The following GPBP1 variants were observed in gnomAD, a reference collection of about 807,000 sequenced individuals.
GPBP1 encodes GC-rich promoter binding protein 1.
A neutral mutation model predicts 56.5 loss-of-function variants in GPBP1; 13 were observed. That is an observed-to-expected ratio of 0.23 (90% CI 0.15 to 0.37). The LOEUF is 0.37. GPBP1 is among the 10% of genes least tolerant of loss of function. The probability of loss-of-function intolerance (pLI) is 1.00; values close to 1 mark genes in which losing one functional copy is unlikely to be tolerated. For synonymous variants in GPBP1, 204 were observed against 188.9 expected, an observed-to-expected ratio of 1.08 and a Z score of -0.66; for missense variants, 477 against 572.3, an observed-to-expected ratio of 0.83 and a Z score of 1.70.
chr5:57,254,081 A>G (rs557220445), intron 10 of GPBP1, among the ~76,000 whole-genome samples: 1 of 152,248 alleles, frequency 6.6e-6, no homozygotes, highest in Admixed American at 6.5e-5. Context: ...GTGTACCACC[A>G]TGCCTGGCTA....
chr5:57,198,994 T>G (rs1311152605), intron 2 of GPBP1, among the ~76,000 whole-genome samples: 1 of 152,230 alleles, frequency 6.6e-6, no homozygotes, highest in African/African-American at 2.4e-5. Flanking sequence ...TCTTACTATA[T>G]CTCATGATGA....
At chr5:57,252,884 C>G (rs1741461029) in intron 10 of GPBP1, among the ~76,000 whole-genome samples, 1 of 151,640 alleles carries the variant, frequency 6.6e-6, no homozygotes, top group African/African-American at 2.4e-5. Flanking sequence ...TAATTTTTGT[C>G]TTTTAGTAGA....
chr5:57,191,475 T>G (rs1754522313), intron 2 of GPBP1, among the ~76,000 whole-genome samples: 1 of 152,162 alleles, frequency 6.6e-6, no homozygotes, highest in South Asian at 2.1e-4. Context: ...ATTTCCCCAA[T>G]TTTGAACTGT....
intron 6 of GPBP1, among the ~76,000 whole-genome samples, chr5:57,240,794 G>A (rs1288011064): frequency 6.6e-6 from 1 of 152,038 alleles, no homozygotes; most frequent in Non-Finnish European, 1.5e-5. Flanking sequence ...GACCAACATG[G>A]AGAAACCCTG....
chr5:57,235,790 C>T (rs1045191707), intron 5 of GPBP1, among the ~76,000 whole-genome samples, 176 bp from the exon 6 acceptor site: 3 of 152,108 alleles, frequency 2.0e-5, no homozygotes, highest in African/African-American at 4.8e-5. Context: ...GTAGGCAGAG[C>T]GTGACACTGG....
intron 3 of GPBP1, 166 bp from the exon 4 acceptor site, chr5:57,230,680 T>G (rs1251815369): frequency 1.5e-6 from 1 of 651,904 alleles, no homozygotes; most frequent in Non-Finnish European, 2.7e-6. Flanking sequence ...GGACCATCGG[T>G]GAATCCATTA....
intron 10 of GPBP1, among the ~76,000 whole-genome samples, chr5:57,251,880 G>C (rs1365763094): frequency 2.0e-5 from 3 of 152,072 alleles, no homozygotes; most frequent in Non-Finnish European, 4.4e-5. Context: ...AGTCATTCTA[G>C]TGGGTGTGAA....
At chr5:57,216,538 A>G (rs1755705232) in intron 3 of GPBP1, among the ~76,000 whole-genome samples, 2 of 152,272 alleles carry the variant, frequency 1.3e-5, no homozygotes. Flanking sequence ...CCTAGCTAAC[A>G]TGGCCCAAAC....
chr5:57,226,180 A>G (rs1756179044), intron 3 of GPBP1, among the ~76,000 whole-genome samples: 3 of 152,148 alleles, frequency 2.0e-5, no homozygotes, highest in Admixed American at 2.0e-4. Context: ...TGCCCTTGTA[A>G]TTGTTAATGA....
chr5:57,262,782 G>C lies in GPBP1; in HGVS notation c.*30G>C, dbSNP rs1487084631. On this transcript the variant is annotated 3_prime_UTR_variant, in exon 12 of 12. Coordinates refer to ENST00000506184, the MANE Select transcript of GPBP1 (RefSeq NM_022913.4). ...TTTCCTAACAGCTTTAGAAATCTTA[G>C]TGTGATACATCTCTCATACAGTTTG... 3 of 1,587,708 alleles carry C rather than the reference G, an allele frequency of 1.9e-6. No individual in the cohort carries two copies. The highest frequency in any genetic ancestry group is 2.6e-6 in the Non-Finnish European group (3 of 1,157,328).
chr5:57,218,141 A>G (rs1369859443), intron 3 of GPBP1, among the ~76,000 whole-genome samples: 1 of 152,012 alleles, frequency 6.6e-6, no homozygotes, highest in African/African-American at 2.4e-5. Flanking sequence ...CATAATTTGG[A>G]TTCTCCCCCT....
chr5:57,189,817 CCTT>C (rs1188447781), intron 2 of GPBP1, among the ~76,000 whole-genome samples: 5 of 152,134 alleles, frequency 3.3e-5, no homozygotes, highest in African/African-American at 1.2e-4. Flanking sequence ...GGCCCATTGG[CCTT>C]CTTTCTCTTA....
chr5:57,234,137 A>T (rs916948236), intron 5 of GPBP1, among the ~76,000 whole-genome samples: 1 of 152,210 alleles, frequency 6.6e-6, no homozygotes, highest in Non-Finnish European at 1.5e-5. Context: ...GCTTTACAAT[A>T]ATCTCAGTAC....
intron 3 of GPBP1, among the ~76,000 whole-genome samples, chr5:57,229,790 C>T (rs555621265): frequency 6.6e-6 from 1 of 152,252 alleles, no homozygotes; most frequent in South Asian, 2.1e-4. Context: ...CTGCCCACCT[C>T]AGTACCCCAA....
intron 3 of GPBP1, among the ~76,000 whole-genome samples, chr5:57,230,431 ATAAAT>A (rs1756400229): frequency 6.6e-6 from 1 of 152,188 alleles, no homozygotes; most frequent in South Asian, 2.1e-4. Context: ...GAATATGGAA[ATAAAT>A]TTAAGGGACT....
At chr5:57,239,367 C>T (rs965797299) in intron 6 of GPBP1, among the ~76,000 whole-genome samples, 8 of 151,984 alleles carry the variant, frequency 5.3e-5, no homozygotes, top group Non-Finnish European at 1.0e-4. Context: ...TGAGAGCCCC[C>T]GTTAAAGGGG....
In GPBP1 at chr5:57,228,044, G is replaced by C. The variant is rs914358586; in HGVS notation, c.64-2802G>C. On this transcript the variant is annotated intron_variant, in intron 3 of 11. Transcript: ENST00000506184. ...TAAAAGACTAATACAAGATAGAATT[G>C]TAAGTGCAACAAAGACTTAAGGCTT... Among the ~76,000 whole-genome samples, 9 of 152,262 alleles carry C rather than the reference G, an allele frequency of 5.9e-5. No individual in the cohort carries two copies. The South Asian group carries it at 1.9e-3, about 32-fold the overall frequency.
At chr5:57,248,201 T>TG (rs1741183187) in intron 8 of GPBP1, among the ~76,000 whole-genome samples, 1 of 152,068 alleles carries the variant, frequency 6.6e-6, no homozygotes, top group African/African-American at 2.4e-5. Flanking sequence ...TAACACTGAT[T>TG]GGGGGGAAAG....
intron 3 of GPBP1, among the ~76,000 whole-genome samples, chr5:57,223,928 G>T (rs1292298580): frequency 6.6e-6 from 1 of 151,590 alleles, no homozygotes; most frequent in African/African-American, 2.4e-5. Flanking sequence ...CTGCCTCCTG[G>T]GTTCATGCCA....
Sources: allele counts gnomAD v4.1 joint callset (sites outside exome capture counted in the v4.1 genomes callset), GRCh38; gene constraint gnomAD v4.1.1; transcripts MANE v1.5; gene names NCBI Gene and HGNC (gene_info 2026-07-23, HGNC 2026-07-21).